The following SFMBT2 variants were observed in gnomAD, a reference collection of about 807,000 sequenced individuals.
The protein encoded by SFMBT2 is scm-like with four MBT domains protein 2.
SFMBT2 carries 38 observed loss-of-function variants against 110.1 expected under a neutral mutation model. The observed-to-expected ratio is 0.35, with a 90% CI of 0.27 to 0.45. SFMBT2 has a LOEUF of 0.45. Ranked by LOEUF, SFMBT2 falls within the 20% of genes least tolerant of loss-of-function variation. The probability of loss-of-function intolerance (pLI) is 1.00; values close to 1 mark genes in which losing one functional copy is unlikely to be tolerated. For missense variants in SFMBT2, 1,011 were observed against 1,094.9 expected (o/e 0.92, Z 1.08); for synonymous variants, 425 against 425.4 (o/e 1.00, Z 0.01).
intron 1 of SFMBT2, among the ~76,000 whole-genome samples, chr10:7,396,556 G>A (rs1462034576): frequency 6.6e-6 from 1 of 152,076 alleles, no homozygotes; most frequent in Non-Finnish European, 1.5e-5. Context: ...ATAAAGATAA[G>A]TCCAGTTCCA....
chr10:7,246,110 C>T, intron 8 of SFMBT2: 2 of 976,158 alleles, frequency 2.0e-6, no homozygotes, highest in Non-Finnish European at 2.4e-6. Context: ...TACCCCAATC[C>T]ATGTGTTATA....
chr10:7,248,904 A>G (rs530820969), intron 7 of SFMBT2: 5 of 168,018 alleles, frequency 3.0e-5, no homozygotes, highest in African/African-American at 1.2e-4. Flanking sequence ...AAAAGTTCAC[A>G]TGACACTGCT....
chr10:7,373,848 A>G (rs547765016), intron 2 of SFMBT2, among the ~76,000 whole-genome samples: 1 of 152,348 alleles, frequency 6.6e-6, no homozygotes, highest in African/African-American at 2.4e-5. Flanking sequence ...GGAAGAAGAC[A>G]TCGGCATGAA....
intron 2 of SFMBT2, among the ~76,000 whole-genome samples, chr10:7,379,930 A>T (rs1845376003): frequency 6.6e-6 from 1 of 152,146 alleles, no homozygotes; most frequent in African/African-American, 2.4e-5. Context: ...AGTTTCAGAA[A>T]CTACTTAAGT....
At chr10:7,359,975 G>A (rs777463912) in intron 4 of SFMBT2, among the ~76,000 whole-genome samples, 2 of 152,112 alleles carry the variant, frequency 1.3e-5, no homozygotes, top group African/African-American at 2.4e-5. Context: ...TGCCTGATCT[G>A]GGAACAAACA....
At chr10:7,165,377 T>C (rs760485057) in intron 20 of SFMBT2, among the ~76,000 whole-genome samples, 2 of 152,244 alleles carry the variant, frequency 1.3e-5, no homozygotes, top group Non-Finnish European at 2.9e-5. Context: ...CTTGAAAATA[T>C]CTAAAGCAAA....
Position 7,171,889 on chromosome 10 carries a change from C to T in SFMBT2, c.2415+6G>A, listed in dbSNP as rs369100319. On this transcript the variant is annotated splice_donor_region_variant and intron_variant, in intron 19 of 20. Coordinates refer to ENST00000397167, the MANE Select transcript of SFMBT2 (RefSeq NM_001387889.1). This position sits in a 1 kb window ranked among gnomAD's most constrained non-coding sequence, Gnocchi z 4.9. ...GAAGCCCTCTGTCCCCACGCCCGGG[C>T]ATCACCTCTGTCCCCTCGGGCTTGG... The T allele has an allele frequency of 7.8e-6, 11 of 1,415,706 alleles. No homozygotes were observed. Among genetic ancestry groups the T allele is most frequent in the Non-Finnish European group, 1.0e-5 (11 of 1,087,716 alleles). The allele number at this position is 1,415,706 out of a possible 1,614,324, so 87.7% of individuals were successfully genotyped here.
chr10:7,257,465 T>C (rs1756117061), intron 7 of SFMBT2, among the ~76,000 whole-genome samples: 1 of 152,218 alleles, frequency 6.6e-6, no homozygotes, highest in African/African-American at 2.4e-5. Context: ...ATAGTCATCA[T>C]GAGTCAGCAG....
intron 4 of SFMBT2, among the ~76,000 whole-genome samples, chr10:7,360,830 T>C (rs1320094003): frequency 6.6e-6 from 1 of 152,234 alleles, no homozygotes; most frequent in Non-Finnish European, 1.5e-5. Flanking sequence ...TGGGAATTGT[T>C]GTAAAAGGTC....
intron 4 of SFMBT2, among the ~76,000 whole-genome samples, chr10:7,325,065 T>A (rs553277976): frequency 6.6e-6 from 1 of 151,194 alleles, no homozygotes; most frequent in African/African-American, 2.4e-5. Context: ...CCTCCCAGGT[T>A]CATGCCATTC....
chr10:7,345,865 GAC>G (rs1844093205), intron 4 of SFMBT2, among the ~76,000 whole-genome samples: 2 of 152,234 alleles, frequency 1.3e-5, no homozygotes, highest in Admixed American at 1.3e-4. Context: ...TCTTCACAGC[GAC>G]ACAGACACTA....
chr10:7,329,128 A>G (rs1025548347), intron 4 of SFMBT2, among the ~76,000 whole-genome samples: 3 of 152,248 alleles, frequency 2.0e-5, no homozygotes. Flanking sequence ...ATCCAAAAGA[A>G]CTACCTCAAA....
At chr10:7,180,295 A>ATTTTTTT (rs35437776) in intron 16 of SFMBT2, among the ~76,000 whole-genome samples, 1 of 143,746 alleles carries the variant, frequency 7.0e-6, no homozygotes. Context: ...TATAGTGGTA[A>ATTTTTTT]TTTTTTTTTT....
At chr10:7,313,347 T>C (rs117024729) in intron 4 of SFMBT2, among the ~76,000 whole-genome samples, 5,029 of 152,268 alleles carry the variant, frequency 0.033, 123 homozygotes, top group Non-Finnish European at 0.054. Flanking sequence ...ATATCCATAC[T>C]GCACAGAAGC....
At chr10:7,296,798 G>A (rs373948129) in intron 4 of SFMBT2, among the ~76,000 whole-genome samples, 44 of 152,150 alleles carry the variant, frequency 2.9e-4, no homozygotes, top group African/African-American at 4.1e-4. Context: ...AAAGCAGGCC[G>A]TCCTCCCTGA....
chr10:7,235,446 A>G (rs1840223867), intron 9 of SFMBT2, among the ~76,000 whole-genome samples: 1 of 152,128 alleles, frequency 6.6e-6, no homozygotes, highest in South Asian at 2.1e-4. Context: ...AGGAAAAAAG[A>G]GTGCTTCCGC....
chr10:7,271,695 T>C (rs1358677088), intron 7 of SFMBT2, among the ~76,000 whole-genome samples: 1 of 152,182 alleles, frequency 6.6e-6, no homozygotes, highest in African/African-American at 2.4e-5. Context: ...TACCCGAGAC[T>C]GGGCAATTTA....
At chr10:7,189,513 CA>C (rs1448653776) in intron 15 of SFMBT2, among the ~76,000 whole-genome samples, 2 of 152,180 alleles carry the variant, frequency 1.3e-5, no homozygotes, top group Non-Finnish European at 2.9e-5. Context: ...GCTCACCTTT[CA>C]AAAAGCAAAT....
intron 11 of SFMBT2, among the ~76,000 whole-genome samples, chr10:7,216,160 A>C (rs1482801884): frequency 6.6e-6 from 1 of 152,238 alleles, no homozygotes. Flanking sequence ...GCCTGGCTCC[A>C]AACTGCTGTG....
Sources: gnomAD v4.1 joint callset for allele counts (sites outside exome capture counted in the v4.1 genomes callset) on GRCh38, gnomAD v4.1.1 for gene constraint, Gnocchi (gnomAD v3.1) non-coding constraint, MANE v1.5 for transcripts, NCBI Gene and HGNC (gene_info 2026-07-23, HGNC 2026-07-21) for gene names.